Variants in GSG1L2 observed in about 807,000 individuals in gnomAD.
GSG1L2 encodes germ cell-specific gene 1-like protein 2.
GSG1L2 carries 15 observed loss-of-function variants against 9.0 expected under a neutral mutation model. The observed-to-expected ratio is 1.67, with a 90% CI of 1.12 to 2.57. The LOEUF (loss-of-function observed/expected upper bound fraction) is 2.57. Among genes scored for constraint, GSG1L2 ranks in the 30% most tolerant of loss-of-function variants. GSG1L2 has a pLI of 0.00. For missense variants in GSG1L2, 286 were observed against 150.3 expected (o/e 1.90, Z -4.72); for synonymous variants, 127 against 57.9 (o/e 2.19, Z -5.41).
In GSG1L2 at chr17:9,802,502, C is replaced by T. The variant is rs1309999258; in HGVS notation, c.766G>A (p.Glu256Lys). 3 of 702,570 alleles carry T rather than the reference C, an allele frequency of 4.3e-6. No homozygotes were observed. Among genetic ancestry groups the T allele is most frequent in the South Asian group, 1.5e-5 (1 of 67,562 alleles). 43.5% of individuals were successfully genotyped at this position (702,570 alleles called of 1,614,324 possible). ...GTTTTCCAAATGCTCTCCGAAGCCT[C>T]GGGTTCCAGGAAGCTGTGTTGAGAG... ...RHSQHSFLEP[E>K]ASESIWKTGA... The change falls in exon 5 of 5, where the codon GAG becomes AAG. Residue 256 changes from glutamate to lysine, a missense_variant. Transcript: ENST00000399363.
In GSG1L2 at chr17:9,802,232, A is replaced by G. The variant is rs978233861; in HGVS notation, c.*154T>C. 1.1e-4 allele frequency among the ~76,000 whole-genome samples: 16 copies of G among 152,198 alleles called. No homozygotes were observed. The highest frequency in any genetic ancestry group is 3.1e-4 in the African/African-American group (13 of 41,448). On this transcript the variant is annotated 3_prime_UTR_variant, in exon 5 of 5. Transcript: ENST00000399363. ...AACAGGAATCAAAGGCTAAAGCCAA[A>G]GGTGTTTAGTAAAAGGTGAGATGTG...
rs1024900959 is a variant in GSG1L2 at position 9,820,484 on chromosome 17, G to A, written c.310+1278C>T. 5.1e-5 allele frequency among the ~76,000 whole-genome samples: 5 copies of A among 98,698 alleles called. No homozygotes were observed. The highest frequency in any genetic ancestry group is 7.1e-5 in the Non-Finnish European group (4 of 56,502). 64.7% of individuals were successfully genotyped at this position (98,698 alleles called of 152,430 possible). A position where few individuals can be genotyped will look rare whatever the true frequency, so the allele number is the denominator to read the frequency against. On this transcript the variant is annotated intron_variant, in intron 1 of 4. Transcript: ENST00000399363. The surrounding 1 kb of genome is among the most constrained non-coding windows in gnomAD (Gnocchi z 4.9). Reference sequence around the variant, plus strand: ...TCCCTGAGAAGCGAGGAACTGTGGAGGTCCTAAATAGCCTTAGCTCCAGGC... The same window carrying A: ...TCCCTGAGAAGCGAGGAACTGTGGAAGTCCTAAATAGCCTTAGCTCCAGGC...
chr17:9,808,933 T>C lies in GSG1L2; in HGVS notation c.408A>G (p.Ile136Met). The C allele has an allele frequency of 1.4e-6, 1 of 703,002 alleles. No homozygotes were observed. Among genetic ancestry groups the C allele is most frequent in the South Asian group, 1.5e-5 (1 of 67,602 alleles). 43.5% of individuals were successfully genotyped at this position (703,002 alleles called of 1,614,324 possible). A position where few individuals can be genotyped will look rare whatever the true frequency, so the allele number is the denominator to read the frequency against. ...AGCCCAGGAGGATGGCGCTTGTCAG[T>C]ATCAGAACGATATCCAGGACCTCGC... ...IGGEVLDIVL[I>M]LTSAILLGSR... The change falls in exon 3 of 5, where the codon ATA (isoleucine) becomes ATG (methionine). Residue 136 changes from isoleucine to methionine, a missense_variant. Physicochemically the swap from Ile to Met is conservative, Grantham distance 10 (BLOSUM62 1). Coordinates refer to ENST00000399363, the MANE Select transcript of GSG1L2 (RefSeq NM_001310219.2).
At chr17:9,809,330 C>A in intron 2 of GSG1L2, 1 of 340,200 alleles carries the variant, frequency 2.9e-6, no homozygotes, top group South Asian at 2.7e-5. Flanking sequence ...GGTTCATGGT[C>A]TGGCTGACTT....
intron 1 of GSG1L2, among the ~76,000 whole-genome samples, chr17:9,816,659 GTGTGCGTGTGTGTC>G (rs1430484591): frequency 9.4e-6 from 1 of 106,832 alleles, no homozygotes; most frequent in Non-Finnish European, 1.8e-5. Flanking sequence ...GTGTGTCTGT[GTGTGCGTGTGTGTC>G]TGTGTGTGTG....
chr17:9,812,665 C>G (rs149195661), intron 1 of GSG1L2, among the ~76,000 whole-genome samples: 3 of 152,122 alleles, frequency 2.0e-5, no homozygotes, highest in African/African-American at 7.2e-5. Flanking sequence ...TGCTCTGTCA[C>G]CCAGGCTGGA....
intron 1 of GSG1L2, among the ~76,000 whole-genome samples, chr17:9,819,635 G>C (rs1285149295): frequency 2.6e-5 from 4 of 151,794 alleles, no homozygotes; most frequent in Non-Finnish European, 5.9e-5. Flanking sequence ...ACTTTTTTTT[G>C]TTTGCTTGTT....
intron 1 of GSG1L2, among the ~76,000 whole-genome samples, chr17:9,816,749 GTGTGTA>G (rs1259968998): frequency 7.6e-5 from 10 of 131,954 alleles, no homozygotes; most frequent in African/African-American, 2.0e-4. Context: ...GTGTATCTGT[GTGTGTA>G]TCTGTGTCTG....
At chr17:9,803,709 G>C (rs780611085) in intron 4 of GSG1L2, 5 of 152,130 alleles carry the variant, frequency 3.3e-5, no homozygotes, top group Non-Finnish European at 7.3e-5. Flanking sequence ...TGCTGTGATG[G>C]GCACCAGATT....
intron 1 of GSG1L2, among the ~76,000 whole-genome samples, chr17:9,818,702 A>G (rs1027915686): frequency 1.3e-5 from 2 of 151,792 alleles, no homozygotes; most frequent in Non-Finnish European, 2.9e-5. Context: ...CAAGGACAGC[A>G]CCAAAAGAAC....
chr17:9,802,367 T>C lies in GSG1L2; in HGVS notation c.*19A>G. The C allele has an allele frequency of 1.6e-6, 1 of 630,982 alleles. No individual in the cohort carries two copies. Among genetic ancestry groups the C allele is most frequent in the Non-Finnish European group, 2.9e-6 (1 of 347,616 alleles). 39.1% of individuals were successfully genotyped at this position (630,982 alleles called of 1,614,324 possible). A position where few individuals can be genotyped will look rare whatever the true frequency, so the allele number is the denominator to read the frequency against. On this transcript the variant is annotated 3_prime_UTR_variant, in exon 5 of 5. Coordinates refer to ENST00000399363, the MANE Select transcript of GSG1L2 (RefSeq NM_001310219.2). ...CCTGGCTTGTTTGCCTGTGCGGATGTGGCAGCCATGGACACTGGCTAGCAT... is the reference window on the plus strand; with the variant it reads ...CCTGGCTTGTTTGCCTGTGCGGATGCGGCAGCCATGGACACTGGCTAGCAT...
chr17:9,820,043 T>C lies in GSG1L2; in HGVS notation c.310+1719A>G, dbSNP rs2066582973. On this transcript the variant is annotated intron_variant, in intron 1 of 4. Transcript: ENST00000399363. The surrounding 1 kb of genome is among the most constrained non-coding windows in gnomAD (Gnocchi z 4.9). ...AGGTGGAAGTTGCAGTGAGCTGAGATTGCGCCGTTGCAATCCAGCCTGGGC... is the reference window on the plus strand; with the variant it reads ...AGGTGGAAGTTGCAGTGAGCTGAGACTGCGCCGTTGCAATCCAGCCTGGGC... 6.6e-6 allele frequency among the ~76,000 whole-genome samples: 1 copy of C among 151,824 alleles called. No individual in the cohort carries two copies. Among genetic ancestry groups the C allele is most frequent in the South Asian group, 2.1e-4 (1 of 4,790 alleles).
intron 1 of GSG1L2, among the ~76,000 whole-genome samples, chr17:9,813,296 G>T (rs1169033531): frequency 6.6e-6 from 1 of 152,200 alleles, no homozygotes; most frequent in Non-Finnish European, 1.5e-5. Context: ...TCAGGTTGGG[G>T]TGATGATGTA....
At chr17:9,806,513 G>A (rs1028708214) in intron 4 of GSG1L2, among the ~76,000 whole-genome samples, 1 of 152,118 alleles carries the variant, frequency 6.6e-6, no homozygotes, top group Non-Finnish European at 1.5e-5. Context: ...GAAAGTAATA[G>A]AAAACAAAAA....
chr17:9,802,120 T>A lies in GSG1L2; in HGVS notation c.*266A>T, dbSNP rs1385120718. Among the ~76,000 whole-genome samples, 1 of 152,236 alleles carries A rather than the reference T, an allele frequency of 6.6e-6. No homozygotes were observed. The highest frequency in any genetic ancestry group is 3.2e-3 in the Middle Eastern group (1 of 316). ...TCTTTGGTATCCTTATCAAATTCAC[T>A]GTCATTAAGAAGCTCTCTTTTATAC... On this transcript the variant is annotated 3_prime_UTR_variant, in exon 5 of 5. Transcript: ENST00000399363.
intron 1 of GSG1L2, chr17:9,810,834 G>A: frequency 1.8e-6 from 1 of 566,520 alleles, no homozygotes. Context: ...CAATGAACTG[G>A]GAGCAAAAAT....
chr17:9,820,878 G>C lies in GSG1L2; in HGVS notation c.310+884C>G, dbSNP rs1405817906. ...CTATGTTGCCTATGTTGCCAGGCTG[G>C]TCTGTAACTCCTGGTCTCAAGTGAT... On this transcript the variant is annotated intron_variant, in intron 1 of 4. Coordinates refer to ENST00000399363, the MANE Select transcript of GSG1L2 (RefSeq NM_001310219.2). This position sits in a 1 kb window ranked among gnomAD's most constrained non-coding sequence, Gnocchi z 4.9. Among the ~76,000 whole-genome samples, 1 of 151,998 alleles carries C rather than the reference G, an allele frequency of 6.6e-6. No homozygotes were observed. Among genetic ancestry groups the C allele is most frequent in the Non-Finnish European group, 1.5e-5 (1 of 68,014 alleles).
chr17:9,810,967 A>G (rs1010057595), intron 1 of GSG1L2: 1 of 318,944 alleles, frequency 3.1e-6, no homozygotes, highest in Non-Finnish European at 5.8e-6. Context: ...CTGAATAGCT[A>G]CAATGAGGAC....
At chr17:9,810,000 T>C (rs1236611534) in intron 2 of GSG1L2, 1 of 153,262 alleles carries the variant, frequency 6.5e-6, no homozygotes, top group African/African-American at 2.4e-5. Context: ...AGGAACTCTG[T>C]TGCCAGTGGA....
Sources: allele counts gnomAD v4.1 joint callset (sites outside exome capture counted in the v4.1 genomes callset), GRCh38; gene constraint gnomAD v4.1.1; non-coding constraint Gnocchi (gnomAD v3.1); transcripts MANE v1.5; gene names NCBI Gene and HGNC (gene_info 2026-07-23, HGNC 2026-07-21).